NACC2: variants seen among roughly 807,000 people sequenced by gnomAD.
NACC2 encodes NACC family member 2, also known as nucleus accumbens-associated protein 2.
NACC2 carries 8 observed loss-of-function variants against 25.1 expected under a neutral mutation model. The observed-to-expected ratio is 0.32, with a 90% CI of 0.19 to 0.57. The LOEUF (loss-of-function observed/expected upper bound fraction) is 0.57. Ranked by LOEUF, NACC2 falls within the 20% of genes least tolerant of loss-of-function variation. The probability of loss-of-function intolerance (pLI) is 0.89; values close to 1 mark genes in which losing one functional copy is unlikely to be tolerated. For missense variants in NACC2, 644 were observed against 650.2 expected (o/e 0.99, Z 0.10); for synonymous variants, 435 against 294.7 (o/e 1.48, Z -4.88).
At chr9:136,047,320 C>A (rs950378411) in intron 2 of NACC2, among the ~76,000 whole-genome samples, 2 of 152,162 alleles carry the variant, frequency 1.3e-5, no homozygotes, top group Non-Finnish European at 2.9e-5. Context: ...GCACACCCAG[C>A]GACGCCAGCA....
At position 136,072,470 on chromosome 9, in the gene NACC2, A is replaced by T. The variant is rs545191555; in HGVS notation, c.-59-21890T>A. Among the ~76,000 whole-genome samples, 826 of 152,226 alleles carry T rather than the reference A, an allele frequency of 5.4e-3. 15 individuals carry two copies. The highest frequency in any genetic ancestry group is 4.4e-3 in the Non-Finnish European group (302 of 68,026). ...TGAGGCACAAGAATTGCTTGAACCCAGAAGGCAGAGATTGCAGTGAGCCAA... is the reference window on the plus strand; with the variant it reads ...TGAGGCACAAGAATTGCTTGAACCCTGAAGGCAGAGATTGCAGTGAGCCAA... On this transcript the variant is annotated intron_variant, in intron 1 of 5. Coordinates refer to ENST00000277554, the MANE Select transcript of NACC2 (RefSeq NM_144653.5).
intron 1 of NACC2, among the ~76,000 whole-genome samples, chr9:136,054,271 C>A (rs1469976607): frequency 2.0e-5 from 3 of 152,192 alleles, no homozygotes; most frequent in Non-Finnish European, 1.5e-5. Flanking sequence ...CAGACCAGCT[C>A]TCCCAGAGAA....
intron 1 of NACC2, among the ~76,000 whole-genome samples, chr9:136,061,596 C>T (rs1227275656): frequency 7.2e-5 from 11 of 152,146 alleles, no homozygotes; most frequent in Non-Finnish European, 1.5e-5. Context: ...GGGTTGAGAC[C>T]CTGTGCGGCT....
Position 136,049,752 on chromosome 9 carries a change from G to A in NACC2, c.770C>T (p.Thr257Ile), listed in dbSNP as rs1840788086. 5.1e-6 allele frequency: 4 copies of A among 778,088 alleles called. No homozygotes were observed. Among genetic ancestry groups the A allele is most frequent in the Non-Finnish European group, 9.6e-6 (4 of 417,302 alleles). 48.2% of individuals were successfully genotyped at this position (778,088 alleles called of 1,614,324 possible). Residue 257 changes from threonine to isoleucine, a missense_variant, in exon 2 of 6, where the codon ACC (threonine) becomes ATC (isoleucine). Coordinates refer to ENST00000277554, the MANE Select transcript of NACC2 (RefSeq NM_144653.5). ...TSPGASSLPT[T>I]DSPTSYHNEE... ...GTTGTGGTACGAGGTGGGGCTGTCG[G>A]TGGTGGGCAGGCTGCTGGCGCCTGG...
Position 136,086,106 on chromosome 9 carries a change from G to A in NACC2, c.-60+9083C>T, listed in dbSNP as rs895564727. Among the ~76,000 whole-genome samples, 2 of 152,206 alleles carry A rather than the reference G, an allele frequency of 1.3e-5. No individual in the cohort carries two copies. The highest frequency in any genetic ancestry group is 2.1e-4 in the South Asian group (1 of 4,828). ...GAGCCGCCTCCAGGCCCTTCACCTC[G>A]GGCTGGAGAAAACCAAGTCACCCCT... On this transcript the variant is annotated intron_variant, in intron 1 of 5. Transcript: ENST00000277554. This position sits in a 1 kb window ranked among gnomAD's most constrained non-coding sequence, Gnocchi z 5.6.
At chr9:136,046,047 C>T (rs1051164552) in intron 2 of NACC2, among the ~76,000 whole-genome samples, 8 of 152,134 alleles carry the variant, frequency 5.3e-5, no homozygotes, top group Non-Finnish European at 7.4e-5. Context: ...GGCGGGTACG[C>T]GAGGAAGAGG....
intron 1 of NACC2, among the ~76,000 whole-genome samples, chr9:136,094,501 C>T (rs1215007344): frequency 1.3e-5 from 2 of 152,058 alleles, no homozygotes; most frequent in Non-Finnish European, 2.9e-5. Flanking sequence ...CCGGGCTCCG[C>T]TGAGTTTCTT....
At chr9:136,072,279 C>T (rs1841165421) in intron 1 of NACC2, among the ~76,000 whole-genome samples, 1 of 151,594 alleles carries the variant, frequency 6.6e-6, no homozygotes, top group South Asian at 2.1e-4. Flanking sequence ...GGCATGGTGG[C>T]TCATGTCTGT....
chr9:136,024,844 C>T (rs2131142723), intron 2 of NACC2, among the ~76,000 whole-genome samples: 1 of 152,266 alleles, frequency 6.6e-6, no homozygotes, highest in South Asian at 2.1e-4. Context: ...GACCTGCCAG[C>T]CCTGGGGTGG....
chr9:136,045,984 G>GC (rs1840717740), intron 2 of NACC2, among the ~76,000 whole-genome samples: 1 of 152,166 alleles, frequency 6.6e-6, no homozygotes, highest in Non-Finnish European at 1.5e-5. Context: ...ACGTTCAGAT[G>GC]CCCCCGAGCC....
rs1270304728 is a variant in NACC2 at position 136,050,489 on chromosome 9, G to A, written c.33C>T (p.Asn11=). Residue 11 remains asparagine, a synonymous_variant, in exon 2 of 6, where the codon AAC becomes AAT. Coordinates refer to ENST00000277554, the MANE Select transcript of NACC2 (RefSeq NM_144653.5). MSQMLHIEIP[N]FGNTVLGCLN... is the part of the protein sequence containing the mutation. ...GGCAGCCCAGCACTGTGTTCCCGAAGTTGGGGATCTCGATGTGCAGCATCT... is the reference window on the plus strand; with the variant it reads ...GGCAGCCCAGCACTGTGTTCCCGAAATTGGGGATCTCGATGTGCAGCATCT... 6 of 764,792 alleles carry A rather than the reference G, an allele frequency of 7.8e-6. No individual in the cohort carries two copies. Among genetic ancestry groups the A allele is most frequent in the Non-Finnish European group, 1.4e-5 (6 of 417,500 alleles). 47.4% of individuals were successfully genotyped at this position (764,792 alleles called of 1,614,324 possible).
intron 1 of NACC2, among the ~76,000 whole-genome samples, chr9:136,079,805 G>T (rs767119401): frequency 3.3e-5 from 5 of 152,192 alleles, no homozygotes; most frequent in Non-Finnish European, 7.3e-5. Flanking sequence ...AAGATTTCAG[G>T]CCACCAGGAC....
At chr9:136,056,159 G>A (rs12337940) in intron 1 of NACC2, among the ~76,000 whole-genome samples, 4,328 of 152,274 alleles carry the variant, frequency 0.028, 222 homozygotes, top group African/African-American at 0.099. Flanking sequence ...AGCTCCGGAT[G>A]TGCCAGGGCC....
chr9:136,013,165 G>T lies in NACC2; in HGVS notation c.1255+34C>A. 1.4e-6 allele frequency: 1 copy of T among 706,964 alleles called. No individual in the cohort carries two copies. Among genetic ancestry groups the T allele is most frequent in the South Asian group, 1.4e-5 (1 of 71,744 alleles). The allele number at this position is 706,964 out of a possible 1,614,324, so 43.8% of individuals were successfully genotyped here. On this transcript the variant is annotated intron_variant, in intron 5 of 5. Coordinates refer to ENST00000277554, the MANE Select transcript of NACC2 (RefSeq NM_144653.5). This position sits in a 1 kb window ranked among gnomAD's most constrained non-coding sequence, Gnocchi z 6.6. ...AGGCTGGGATCTGAACCCAGCCCCG[G>T]CCCCACCCACCCGAGAGACCCCCAG...
intron 1 of NACC2, among the ~76,000 whole-genome samples, chr9:136,088,716 T>A (rs1012959895): frequency 3.3e-5 from 5 of 152,078 alleles, no homozygotes; most frequent in African/African-American, 1.2e-4. Flanking sequence ...AAGGACTTGG[T>A]CTTTCCTGAC....
intron 2 of NACC2, 45 bp from the exon 3 acceptor site, chr9:136,016,474 C>A (rs140314660): frequency 6.2e-7 from 1 of 1,606,512 alleles, no homozygotes; most frequent in Non-Finnish European, 8.5e-7. Flanking sequence ...TCTGGGGGGC[C>A]GGGCTGCTCT....
At position 136,013,706 on chromosome 9, in the gene NACC2, C is replaced by G. The variant is rs1840150205; in HGVS notation, c.1157+158G>C. The stretch of plus-strand genomic sequence containing the variant: ...CAGCCCCTCCCTCCCTCCCTGGGAG[C>G]CTCTCCACCGTCCTGGGGCCGACCG... On this transcript the variant is annotated intron_variant, in intron 4 of 5. Transcript: ENST00000277554. The surrounding 1 kb of genome is among the most constrained non-coding windows in gnomAD (Gnocchi z 6.6). 6.6e-6 allele frequency among the ~76,000 whole-genome samples: 1 copy of G among 152,176 alleles called. No homozygotes were observed. Among genetic ancestry groups the G allele is most frequent in the East Asian group, 1.9e-4 (1 of 5,180 alleles).
chr9:136,012,712 C>T (rs1349782598), intron 5 of NACC2, among the ~76,000 whole-genome samples: 1 of 145,496 alleles, frequency 6.9e-6, no homozygotes, highest in African/African-American at 2.6e-5. Context: ...GCTTCTTGGG[C>T]CGAGGGCCAC....
intron 2 of NACC2, 86 bp from the exon 3 acceptor site, chr9:136,016,515 G>A: frequency 6.5e-7 from 1 of 1,535,614 alleles, no homozygotes; most frequent in Non-Finnish European, 8.9e-7. Flanking sequence ...CATGCTCCCT[G>A]GGGCCTGTGT....
Sources: allele counts gnomAD v4.1 joint callset (sites outside exome capture counted in the v4.1 genomes callset), GRCh38; gene constraint gnomAD v4.1.1; non-coding constraint Gnocchi (gnomAD v3.1); transcripts MANE v1.5; gene names NCBI Gene and HGNC (gene_info 2026-07-23, HGNC 2026-07-21).